Variants in HS3ST4 observed in about 807,000 individuals in gnomAD.
HS3ST4 encodes the protein heparan sulfate glucosamine 3-O-sulfotransferase 4.
HS3ST4 carries 17 observed loss-of-function variants against 29.2 expected under a neutral mutation model. The observed-to-expected ratio is 0.58, with a 90% CI of 0.40 to 0.87. HS3ST4 has a LOEUF of 0.87. Among genes scored for constraint, HS3ST4 ranks in the 40% least tolerant of loss-of-function variants. The pLI is 0.00. For synonymous variants in HS3ST4, 314 were observed against 285.7 expected (o/e 1.10, Z -1.00); for missense variants, 627 against 634.5 (o/e 0.99, Z 0.13).
At chr16:25,721,095 A>G (rs560218817) in intron 1 of HS3ST4, among the ~76,000 whole-genome samples, 1 of 152,326 alleles carries the variant, frequency 6.6e-6, no homozygotes, top group African/African-American at 2.4e-5. Flanking sequence ...TTCAACTGAG[A>G]AGTGAGAGTT....
intron 1 of HS3ST4, among the ~76,000 whole-genome samples, chr16:25,897,375 T>C (rs1440173113): frequency 6.6e-6 from 1 of 151,904 alleles, no homozygotes; most frequent in East Asian, 1.9e-4. Flanking sequence ...TCACTTGAGC[T>C]CAAGAGGTCG....
intron 1 of HS3ST4, among the ~76,000 whole-genome samples, chr16:25,694,410 C>G: frequency 6.6e-6 from 1 of 152,206 alleles, no homozygotes; most frequent in East Asian, 1.9e-4. Flanking sequence ...GAGAAGTACA[C>G]TTAGTCATAA....
intron 1 of HS3ST4, among the ~76,000 whole-genome samples, chr16:25,913,003 A>G (rs1968255498): frequency 6.6e-6 from 1 of 152,042 alleles, no homozygotes; most frequent in Non-Finnish European, 1.5e-5. Flanking sequence ...GATAGTAGAT[A>G]ATCTGTGAAT....
chr16:25,841,889 G>C (rs1354773424), intron 1 of HS3ST4, among the ~76,000 whole-genome samples: 1 of 152,190 alleles, frequency 6.6e-6, no homozygotes, highest in East Asian at 1.9e-4. Flanking sequence ...CCATAGATAA[G>C]AGTCCTAAAG....
intron 1 of HS3ST4, among the ~76,000 whole-genome samples, chr16:26,055,459 A>G (rs1020643055): frequency 9.9e-5 from 15 of 152,244 alleles, no homozygotes; most frequent in African/African-American, 3.6e-4. Flanking sequence ...GTGGCTGGGA[A>G]CTGAGGGGCA....
At chr16:25,975,220 T>TA (rs1302188287) in intron 1 of HS3ST4, among the ~76,000 whole-genome samples, 2 of 146,558 alleles carry the variant, frequency 1.4e-5, no homozygotes, top group African/African-American at 2.5e-5. Context: ...TGTTCTTACT[T>TA]ACAAGCAGGA....
intron 1 of HS3ST4, among the ~76,000 whole-genome samples, chr16:26,056,553 A>G (rs1898411053): frequency 6.6e-6 from 1 of 152,200 alleles, no homozygotes; most frequent in Admixed American, 6.5e-5. Flanking sequence ...GTGTGTTTAG[A>G]CAGTGCTCTT....
At chr16:26,089,541 A>G (rs1307404652) in intron 1 of HS3ST4, among the ~76,000 whole-genome samples, 1 of 152,224 alleles carries the variant, frequency 6.6e-6, no homozygotes, top group Non-Finnish European at 1.5e-5. Context: ...GAAGGAAAGA[A>G]GAAGGGAGCT....
intron 1 of HS3ST4, among the ~76,000 whole-genome samples, chr16:25,733,042 A>C (rs962739525): frequency 5.3e-5 from 8 of 152,150 alleles, no homozygotes; most frequent in Non-Finnish European, 7.3e-5. Context: ...GTGCCTTCCA[A>C]AGAAGACCAT....
In HS3ST4 at chr16:25,692,466, C is replaced by G; in HGVS notation, c.49C>G (p.Leu17Val). ...PPPPPPPPPPLAAPPPPGASA... is the reference protein window; with the variant it reads ...PPPPPPPPPPVAAPPPPGASA... ...TCCGCCTCCGCCTCCGCCTCCACCT[C>G]TGGCCGCGCCGCCGCCGCCCGGCGC... The change falls in exon 1 of 2, where the codon CTG becomes GTG. Residue 17 changes from leucine (L) to valine (V), a missense_variant. Leu to Val is a conservative substitution (Grantham distance 32). This residue lies in a region of HS3ST4 where 402 missense variants were observed against 340.8 expected (regional missense o/e 1.18). Coordinates refer to ENST00000331351, the MANE Select transcript of HS3ST4 (RefSeq NM_006040.3). 1.5e-6 allele frequency: 2 copies of G among 1,358,490 alleles called. No individual in the cohort carries two copies. The highest frequency in any genetic ancestry group is 1.5e-5 in the South Asian group (1 of 64,674). 84.2% of individuals were successfully genotyped at this position (1,358,490 alleles called of 1,614,324 possible).
chr16:25,871,558 G>T lies in HS3ST4; in HGVS notation c.734+178407G>T, dbSNP rs762664731. 7.3e-4 allele frequency among the ~76,000 whole-genome samples: 111 copies of T among 152,092 alleles called. 1 individual carries two copies. Among genetic ancestry groups the T allele is most frequent in the Non-Finnish European group, 1.1e-3 (77 of 68,006 alleles). On this transcript the variant is annotated intron_variant, in intron 1 of 1. Coordinates refer to ENST00000331351, the MANE Select transcript of HS3ST4 (RefSeq NM_006040.3). ...ATGATGGTGAACCCGGTACTTGTACGTATGTGTATTACCTTATTTAATCCT... is the reference window on the plus strand; with the variant it reads ...ATGATGGTGAACCCGGTACTTGTACTTATGTGTATTACCTTATTTAATCCT...
chr16:25,714,755 G>C (rs888546657), intron 1 of HS3ST4, among the ~76,000 whole-genome samples: 1 of 152,180 alleles, frequency 6.6e-6, no homozygotes, highest in South Asian at 2.1e-4. Flanking sequence ...TCGTTATTTG[G>C]TAGTATCTAC....
chr16:25,767,545 T>A (rs1406079149), intron 1 of HS3ST4, among the ~76,000 whole-genome samples: 1 of 152,208 alleles, frequency 6.6e-6, no homozygotes, highest in Non-Finnish European at 1.5e-5. Context: ...TGTGTAATAC[T>A]TTCATTTTAA....
intron 1 of HS3ST4, among the ~76,000 whole-genome samples, chr16:26,045,659 T>C (rs1898256759): frequency 6.6e-6 from 1 of 152,172 alleles, no homozygotes; most frequent in Non-Finnish European, 1.5e-5. Flanking sequence ...TCCTAAGCCC[T>C]TGATGGCTGA....
At chr16:26,064,107 G>T (rs991869180) in intron 1 of HS3ST4, among the ~76,000 whole-genome samples, 1 of 152,148 alleles carries the variant, frequency 6.6e-6, no homozygotes, top group Admixed American at 6.5e-5. Context: ...CGTATGTGCT[G>T]TCTGCATGTT....
At position 26,136,473 on chromosome 16, in the gene HS3ST4, A is replaced by G; in HGVS notation, c.*225A>G. The G allele has an allele frequency of 3.5e-6, 2 of 574,058 alleles. No homozygotes were observed. The highest frequency in any genetic ancestry group is 1.9e-5 in the African/African-American group (1 of 53,590). 35.6% of individuals were successfully genotyped at this position (574,058 alleles called of 1,614,324 possible). A position where few individuals can be genotyped will look rare whatever the true frequency, so the allele number is the denominator to read the frequency against. On this transcript the variant is annotated 3_prime_UTR_variant, in exon 2 of 2. Transcript: ENST00000331351. ...CCATCTGGGCAGCAGCATCTGGTTG[A>G]CCAGATGGCCACCAGAACCCACTGT...
At chr16:25,795,167 T>G (rs1160315944) in intron 1 of HS3ST4, among the ~76,000 whole-genome samples, 1 of 152,022 alleles carries the variant, frequency 6.6e-6, no homozygotes, top group Non-Finnish European at 1.5e-5. Flanking sequence ...GAGACGAAGT[T>G]TCACTATGTT....
intron 1 of HS3ST4, among the ~76,000 whole-genome samples, chr16:25,895,024 A>G (rs537709493): frequency 6.6e-6 from 1 of 152,300 alleles, no homozygotes; most frequent in East Asian, 1.9e-4. Context: ...CAGATGAGAA[A>G]AATGGTAATG....
chr16:26,007,627 G>A (rs147695053), intron 1 of HS3ST4, among the ~76,000 whole-genome samples: 2 of 152,298 alleles, frequency 1.3e-5, no homozygotes, highest in African/African-American at 4.8e-5. Context: ...CTTACAAAGT[G>A]CACAGGCTCA....
Sources: gnomAD v4.1 joint callset for allele counts (sites outside exome capture counted in the v4.1 genomes callset) on GRCh38, gnomAD v4.1.1 for gene constraint, gnomAD v4.1.1 regional missense constraint, MANE v1.5 for transcripts, NCBI Gene and HGNC (gene_info 2026-07-23, HGNC 2026-07-21) for gene names.